The following ARHGEF16 variants were observed in gnomAD, a reference collection of about 807,000 sequenced individuals.
ARHGEF16 encodes Rho guanine exchange factor (GEF) 16.
In ARHGEF16, 59 loss-of-function variants were observed where a neutral mutation model predicts 74.1. The ratio of observed to expected loss-of-function variants is 0.80; its 90% CI spans 0.65 to 0.99. The LOEUF (loss-of-function observed/expected upper bound fraction) is 0.99, where lower values mean the gene tolerates loss of function less well. Ranked by LOEUF, ARHGEF16 falls within the 50% of genes least tolerant of loss-of-function variation. The pLI is 0.00. For synonymous variants in ARHGEF16, 415 were observed against 412.6 expected, an observed-to-expected ratio of 1.01 and a Z score of -0.07; for missense variants, 948 against 986.6, an observed-to-expected ratio of 0.96 and a Z score of 0.52.
intron 9 of ARHGEF16, among the ~76,000 whole-genome samples, chr1:3,475,055 G>A (rs1474414857): frequency 5.4e-5 from 7 of 130,198 alleles, no homozygotes; most frequent in South Asian, 5.8e-4. Context: ...CTTTCACAGC[G>A]CTGACAGGGA....
chr1:3,472,445 C>A (rs1015522723), intron 6 of ARHGEF16, among the ~76,000 whole-genome samples: 6 of 152,256 alleles, frequency 3.9e-5, no homozygotes, highest in Admixed American at 6.5e-5. Context: ...AGCTGGCCCC[C>A]CCCCGGCCTT....
chr1:3,466,299 C>G (rs1639543075), intron 3 of ARHGEF16, 106 bp downstream of exon 3: 2 of 1,243,734 alleles, frequency 1.6e-6, no homozygotes, highest in Non-Finnish European at 2.2e-6. Context: ...CTCGGGGTCA[C>G]CAAAGCTGCT....
At chr1:3,471,222 G>A (rs2100749754) in intron 6 of ARHGEF16, among the ~76,000 whole-genome samples, 1 of 152,178 alleles carries the variant, frequency 6.6e-6, no homozygotes, top group Admixed American at 6.5e-5. Context: ...AGTCTCCTGA[G>A]CCTCAGCCTC....
chr1:3,462,989 A>C (rs1639438560), intron 1 of ARHGEF16, 77 bp from the exon 2 acceptor site: 1 of 1,062,452 alleles, frequency 9.4e-7, no homozygotes, highest in Non-Finnish European at 1.3e-6. Context: ...AGACATATGC[A>C]AAGGGGTAGG....
At chr1:3,471,772 G>GGGAATCATC in intron 6 of ARHGEF16, 1 of 1,140,776 alleles carries the variant, frequency 8.8e-7, no homozygotes, top group South Asian at 1.8e-5. Flanking sequence ...GAACTGTCTG[G>GGGAATCATC]GGAATCATCG....
intron 3 of ARHGEF16, chr1:3,466,898 A>G (rs981980194): frequency 1.1e-4 from 41 of 384,726 alleles, no homozygotes; most frequent in African/African-American, 7.9e-4. Context: ...GGCAGCAGCG[A>G]TGCCCCACGT....
rs549828066 is a variant in ARHGEF16, at chr1:3,471,163, G to A, written c.1022+1570G>A. Among the ~76,000 whole-genome samples, 1,133 of 151,980 alleles carry A rather than the reference G, an allele frequency of 7.5e-3. 15 individuals are homozygous for A. Among genetic ancestry groups the A allele is most frequent in the African/African-American group, 0.026 (1,093 of 41,402 alleles). On this transcript the variant is annotated intron_variant, in intron 6 of 14. Transcript: ENST00000378378. ...GTGTGCCTGGGCAGGGGTATGTGTG[G>A]TCTCGACCCTGTGCTGCTCCCTATA...
Position 3,480,815 on chromosome 1 carries a change from A to G in ARHGEF16, c.*228A>G, listed in dbSNP as rs1361024151. 8.1e-6 allele frequency: 5 copies of G among 617,894 alleles called. No homozygotes were observed. The highest frequency in any genetic ancestry group is 1.4e-5 in the Non-Finnish European group (5 of 365,146). 38.3% of individuals were successfully genotyped at this position (617,894 alleles called of 1,614,324 possible). A position where few individuals can be genotyped will look rare whatever the true frequency, so the allele number is the denominator to read the frequency against. On this transcript the variant is annotated 3_prime_UTR_variant, in exon 15 of 15. Coordinates refer to ENST00000378378, the MANE Select transcript of ARHGEF16 (RefSeq NM_014448.4). ...GCTCGAGGGGGCCACACCGTGTCCC[A>G]GGGAGCCCAGCCTATTCCCGTTGGC...
At chr1:3,463,993 C>T (rs2493254) in intron 2 of ARHGEF16, among the ~76,000 whole-genome samples, 9,011 of 152,274 alleles carry the variant, frequency 0.059, 416 homozygotes, top group Admixed American at 0.13. Context: ...GGACAGGAGC[C>T]GGCCTGCCTG....
chr1:3,473,117 G>T lies in ARHGEF16; in HGVS notation c.1062G>T (p.Val354=). Residue 354 remains valine (V), a synonymous_variant, in exon 7 of 15, where the codon GTG becomes GTT. Coordinates refer to ENST00000378378, the MANE Select transcript of ARHGEF16 (RefSeq NM_014448.4). ...TGGAGCAGCGGCACAAGGCCCAGGTGCTGGTCGAGGACATCAGTGACATCC... is the reference window on the plus strand; with the variant it reads ...TGGAGCAGCGGCACAAGGCCCAGGTTCTGGTCGAGGACATCAGTGACATCC... The part of the protein sequence containing the change: ...EDLEQRHKAQ[V]LVEDISDILE... The T allele has an allele frequency of 6.2e-7, 1 of 1,613,428 alleles. No individual in the cohort carries two copies. Among genetic ancestry groups the T allele is most frequent in the Non-Finnish European group, 8.5e-7 (1 of 1,179,992 alleles).
rs200456134 is a variant in ARHGEF16 at position 3,478,490 on chromosome 1, G to A, written c.1692G>A (p.Pro564=). 1.4e-5 allele frequency: 22 copies of A among 1,612,610 alleles called. No homozygotes were observed. The highest frequency in any genetic ancestry group is 8.9e-5 in the East Asian group (4 of 44,874). The change falls in exon 12 of 15, where the codon CCG becomes CCA. Residue 564 remains proline (P), a synonymous_variant. Coordinates refer to ENST00000378378, the MANE Select transcript of ARHGEF16 (RefSeq NM_014448.4). ...MNHIQVEKIE[P]SELPLPGGGN... ...ACATCCAGGTGGAGAAGATAGAGCC[G>A]TCTGAGCTCCCTCTGCCCGGGGGCG...
Position 3,480,560 on chromosome 1 carries a change from G to A in ARHGEF16, c.2103G>A (p.Glu701=), listed in dbSNP as rs1278492494. ...VAVEGNVRRM[E]RLRVETDV is the part of the protein sequence containing the mutation. ...TGGAGGGCAATGTCCGCAGGATGGA[G>A]CGTCTGCGGGTGGAGACGGACGTGT... The change falls in exon 15 of 15, where the codon GAG becomes GAA. Residue 701 remains glutamate (E), a synonymous_variant. Coordinates refer to ENST00000378378, the MANE Select transcript of ARHGEF16 (RefSeq NM_014448.4). 4 of 1,609,912 alleles carry A rather than the reference G, an allele frequency of 2.5e-6. No homozygotes were observed. The highest frequency in any genetic ancestry group is 3.4e-6 in the Non-Finnish European group (4 of 1,179,858).
rs186738663 is a variant in ARHGEF16, at chr1:3,480,477, G to A, written c.2020G>A (p.Gly674Arg). Residue 674 changes from glycine to arginine, a missense_variant, in exon 15 of 15, where the codon GGA becomes AGA. Coordinates refer to ENST00000378378, the MANE Select transcript of ARHGEF16 (RefSeq NM_014448.4). ...GWLYGERLRD[G>R]ETGWFPEDFA... ...GCTCTATGGCGAGAGGCTCCGGGAC[G>A]GAGAGACGGGATGGTTCCCCGAGGA... The A allele has an allele frequency of 2.7e-5, 44 of 1,612,624 alleles. No individual in the cohort carries two copies. The highest frequency in any genetic ancestry group is 1.5e-4 in the Admixed American group (9 of 60,028).
intron 11 of ARHGEF16, 113 bp from the exon 12 acceptor site, chr1:3,478,311 C>T (rs780687079): frequency 3.3e-6 from 4 of 1,209,526 alleles, no homozygotes; most frequent in South Asian, 1.5e-5. Context: ...GGAGCCCGTC[C>T]GTGGCTGCCT....
Position 3,480,512 on chromosome 1 carries a change from C to T in ARHGEF16, c.2055C>T (p.Arg685=). Residue 685 remains arginine, a synonymous_variant, in exon 15 of 15, where the codon CGC becomes CGT. Coordinates refer to ENST00000378378, the MANE Select transcript of ARHGEF16 (RefSeq NM_014448.4). ...ETGWFPEDFA[R]FITSRVAVEG... is the part of the protein sequence containing the mutation. ...GATGGTTCCCCGAGGACTTTGCCCGCTTCATCACCAGCCGTGTGGCCGTGG... is the reference window on the plus strand; with the variant it reads ...GATGGTTCCCCGAGGACTTTGCCCGTTTCATCACCAGCCGTGTGGCCGTGG... The T allele has an allele frequency of 6.2e-7, 1 of 1,612,558 alleles. No homozygotes were observed. The highest frequency in any genetic ancestry group is 1.1e-5 in the South Asian group (1 of 91,086).
intron 10 of ARHGEF16, among the ~76,000 whole-genome samples, chr1:3,476,971 C>G (rs1639895335): frequency 6.6e-6 from 1 of 152,064 alleles, no homozygotes; most frequent in African/African-American, 2.4e-5. Flanking sequence ...AACGCCTGCC[C>G]CTGCCAGAGC....
intron 6 of ARHGEF16, chr1:3,472,823 G>A (rs779775295): frequency 8.0e-6 from 4 of 499,970 alleles, no homozygotes; most frequent in Non-Finnish European, 1.4e-5. Flanking sequence ...CGGCACCAGT[G>A]CGTGGGATCG....
At chr1:3,468,668 CG>C in intron 4 of ARHGEF16, 1 of 589,732 alleles carries the variant, frequency 1.7e-6, no homozygotes. Flanking sequence ...CTGGGGGGAG[CG>C]GGGGGCTGAC....
At chr1:3,471,285 C>T (rs1639715002) in intron 6 of ARHGEF16, among the ~76,000 whole-genome samples, 1 of 152,024 alleles carries the variant, frequency 6.6e-6, no homozygotes, top group Non-Finnish European at 1.5e-5. Flanking sequence ...TTGGGTGGCG[C>T]TGGGAGATGA....
Sources: gnomAD v4.1 joint callset for allele counts (sites outside exome capture counted in the v4.1 genomes callset) on GRCh38, gnomAD v4.1.1 for gene constraint, MANE v1.5 for transcripts, NCBI Gene and HGNC (gene_info 2026-07-23, HGNC 2026-07-21) for gene names.